Variants in DLG2 observed in about 807,000 individuals in gnomAD.
DLG2 encodes the protein discs large MAGUK scaffold protein 2.
In DLG2, 45 loss-of-function variants were observed where a neutral mutation model predicts 132.5. The observed-to-expected ratio is 0.34, with a 90% confidence interval of 0.27 to 0.44. The LOEUF is 0.44. Among genes scored for constraint, DLG2 ranks in the 20% least tolerant of loss-of-function variants. The pLI is 1.00. For synonymous variants in DLG2, 424 were observed against 419.6 expected, an observed-to-expected ratio of 1.01 and a Z score of -0.13; for missense variants, 1,045 against 1,196.9, an observed-to-expected ratio of 0.87 and a Z score of 1.87.
chr11:84,986,710 G>A lies in DLG2; in HGVS notation c.357+124951C>T, dbSNP rs563841156. Among the ~76,000 whole-genome samples the A allele has an allele frequency of 1.9e-3, 294 of 152,140 alleles. 1 individual carries two copies. The highest frequency in any genetic ancestry group is 3.1e-3 in the African/African-American group (129 of 41,532). ...GAAAAAGCATTTGACAAAATTCAGCGTATTTTTATAATTAAAACTCTCAGC... is the reference window on the plus strand; with the variant it reads ...GAAAAAGCATTTGACAAAATTCAGCATATTTTTATAATTAAAACTCTCAGC... On this transcript the variant is annotated intron_variant, in intron 6 of 27. Transcript: ENST00000376104.
At chr11:84,756,817 C>T (rs2066943551) in intron 6 of DLG2, among the ~76,000 whole-genome samples, 2 of 151,602 alleles carry the variant, frequency 1.3e-5, no homozygotes, top group African/African-American at 4.9e-5. Flanking sequence ...TATGTGTGGC[C>T]CAAGACATTT....
At chr11:83,481,943 T>TGATATTTATTA (rs1217814721) in intron 22 of DLG2, among the ~76,000 whole-genome samples, 4 of 152,102 alleles carry the variant, frequency 2.6e-5, no homozygotes, top group Admixed American at 6.6e-5. Context: ...TACTTTTTAG[T>TGATATTTATTA]GATATTTATT....
intron 3 of DLG2, among the ~76,000 whole-genome samples, chr11:85,407,960 G>A (rs893910896): frequency 2.0e-5 from 3 of 151,306 alleles, no homozygotes; most frequent in Non-Finnish European, 2.9e-5. Flanking sequence ...GAAACAGGCT[G>A]ATCTGAGGGA....
intron 7 of DLG2, among the ~76,000 whole-genome samples, chr11:84,268,264 G>A (rs2097670201): frequency 6.6e-6 from 1 of 151,958 alleles, no homozygotes; most frequent in Non-Finnish European, 1.5e-5. Context: ...CTCTTCCCTT[G>A]CTGCATTTAC....
intron 6 of DLG2, among the ~76,000 whole-genome samples, chr11:84,867,346 T>C (rs1004347251): frequency 1.3e-5 from 2 of 152,200 alleles, no homozygotes; most frequent in Non-Finnish European, 2.9e-5. Flanking sequence ...CTCCTTTAGC[T>C]TGTTGCAGAG....
intron 3 of DLG2, among the ~76,000 whole-genome samples, chr11:85,389,242 A>C (rs1433254645): frequency 6.6e-6 from 1 of 152,198 alleles, no homozygotes; most frequent in East Asian, 1.9e-4. Flanking sequence ...GAATTGAACA[A>C]GTAGAAGAAA....
rs1181024948 is a variant in DLG2 at position 85,213,402 on chromosome 11, G to T, written c.187-58751C>A. Reference sequence around the variant, plus strand: ...AAGGCAGGACAACTGGAAGCTGAGTGGGGGTGGGGGTGGAACACTTCCAGT... The same window carrying T: ...AAGGCAGGACAACTGGAAGCTGAGTTGGGGTGGGGGTGGAACACTTCCAGT... On this transcript the variant is annotated intron_variant, in intron 4 of 27. Coordinates refer to ENST00000376104, the MANE Select transcript of DLG2 (RefSeq NM_001142699.3). Among the ~76,000 whole-genome samples the T allele has an allele frequency of 3.9e-5, 6 of 152,168 alleles. No individual in the cohort carries two copies. The South Asian group carries it at 8.3e-4, about 21-fold the overall frequency.
chr11:84,633,884 AG>A (rs2099636283), intron 6 of DLG2, among the ~76,000 whole-genome samples: 1 of 152,202 alleles, frequency 6.6e-6, no homozygotes, highest in African/African-American at 2.4e-5. Flanking sequence ...AGCTGTAACA[AG>A]AAAATCATTA....
At chr11:85,048,540 C>G (rs1434767193) in intron 6 of DLG2, among the ~76,000 whole-genome samples, 6 of 151,966 alleles carry the variant, frequency 3.9e-5, no homozygotes, top group Non-Finnish European at 8.8e-5. Flanking sequence ...AACCTTTAGA[C>G]TTCTTTATAT....
chr11:84,720,758 G>A (rs2061732325), intron 6 of DLG2: 1 of 152,240 alleles, frequency 6.6e-6, no homozygotes, highest in Non-Finnish European at 1.5e-5. Flanking sequence ...GTATTAGCAT[G>A]TAAAAGGATG....
intron 7 of DLG2, among the ~76,000 whole-genome samples, chr11:84,301,164 T>C (rs2098146761): frequency 2.0e-5 from 3 of 152,166 alleles, no homozygotes. Flanking sequence ...CACTATTGTT[T>C]ATATTAACTT....
chr11:85,235,500 T>C (rs2152659684), intron 4 of DLG2, among the ~76,000 whole-genome samples: 1 of 152,084 alleles, frequency 6.6e-6, no homozygotes, highest in Admixed American at 6.6e-5. Flanking sequence ...TCATTTTTGT[T>C]TATGTTGTTA....
chr11:85,372,587 CCAAGCT>C (rs1198014949), intron 3 of DLG2, among the ~76,000 whole-genome samples: 2 of 152,152 alleles, frequency 1.3e-5, no homozygotes, highest in Non-Finnish European at 2.9e-5. Flanking sequence ...TAAGGCAACC[CCAAGCT>C]TTTTGTTTCA....
intron 6 of DLG2, among the ~76,000 whole-genome samples, chr11:84,660,023 A>T (rs987532525): frequency 9.2e-5 from 14 of 152,080 alleles, no homozygotes; most frequent in African/African-American, 3.4e-4. Flanking sequence ...AAATATTACC[A>T]ACCAGGAAAG....
chr11:84,731,898 C>T (rs1052596589), intron 6 of DLG2, among the ~76,000 whole-genome samples: 2 of 152,070 alleles, frequency 1.3e-5, no homozygotes, highest in Non-Finnish European at 1.5e-5. Flanking sequence ...CACCTTCAAA[C>T]GTTTCCACGT....
chr11:83,567,752 T>A (rs1264222801), intron 19 of DLG2, among the ~76,000 whole-genome samples: 1 of 152,132 alleles, frequency 6.6e-6, no homozygotes, highest in Non-Finnish European at 1.5e-5. Flanking sequence ...GGCAGCTGCA[T>A]GCAGAGTGAG....
intron 6 of DLG2, among the ~76,000 whole-genome samples, chr11:84,846,792 A>C (rs1254347609): frequency 6.6e-6 from 1 of 152,164 alleles, no homozygotes; most frequent in Non-Finnish European, 1.5e-5. Flanking sequence ...AAGCTTGTCA[A>C]CTTCTGATTT....
At chr11:84,593,899 T>A (rs2099550047) in intron 6 of DLG2, among the ~76,000 whole-genome samples, 2 of 152,236 alleles carry the variant, frequency 1.3e-5, no homozygotes, top group African/African-American at 2.4e-5. Context: ...GACTGAGCAA[T>A]TATTCAACAA....
At chr11:83,618,690 G>A (rs2153427432) in intron 19 of DLG2, among the ~76,000 whole-genome samples, 1 of 152,232 alleles carries the variant, frequency 6.6e-6, no homozygotes, top group Admixed American at 6.5e-5. Flanking sequence ...ATAAATGCAT[G>A]GCTGATTGAG....
Sources: gnomAD v4.1 joint callset for allele counts (sites outside exome capture counted in the v4.1 genomes callset) on GRCh38, gnomAD v4.1.1 for gene constraint, MANE v1.5 for transcripts, NCBI Gene and HGNC (gene_info 2026-07-23, HGNC 2026-07-21) for gene names.